CSMD1: variants seen among roughly 807,000 people sequenced by gnomAD.
CSMD1 encodes CUB and sushi domain-containing protein 1.
Under a neutral mutation model 417.5 loss-of-function variants are expected in CSMD1, and 213 were observed. The observed-to-expected ratio is 0.51, with a 90% CI of 0.46 to 0.57. The LOEUF (loss-of-function observed/expected upper bound fraction) is 0.57. Among genes scored for constraint, CSMD1 ranks in the 20% least tolerant of loss-of-function variants. The pLI, the probability that CSMD1 is intolerant of heterozygous loss-of-function variation, is 0.00. For synonymous variants in CSMD1, 2,862 were observed against 1,736.8 expected, an observed-to-expected ratio of 1.65 and a Z score of -16.11; for missense variants, 6,923 against 4,529.7, an observed-to-expected ratio of 1.53 and a Z score of -15.17.
At chr8:3,433,821 G>A (rs184158790) in intron 12 of CSMD1, among the ~76,000 whole-genome samples, 201 of 152,268 alleles carry the variant, frequency 1.3e-3, no homozygotes, top group Middle Eastern at 0.01. Flanking sequence ...TGAAAAACGG[G>A]CTCCCGTGGC....
At chr8:4,469,928 T>C (rs1336468344) in intron 2 of CSMD1, among the ~76,000 whole-genome samples, 6 of 151,476 alleles carry the variant, frequency 4.0e-5, no homozygotes, top group Non-Finnish European at 5.9e-5. Flanking sequence ...AGTGCAGTGG[T>C]GTGATCTCGG....
intron 25 of CSMD1, among the ~76,000 whole-genome samples, chr8:3,299,140 A>G (rs1253665235): frequency 6.6e-6 from 1 of 152,172 alleles, no homozygotes; most frequent in Non-Finnish European, 1.5e-5. Context: ...CAATTCCACT[A>G]GGTAAAGGAA....
intron 6 of CSMD1, among the ~76,000 whole-genome samples, chr8:3,714,647 G>A (rs1291607047): frequency 6.6e-6 from 1 of 151,170 alleles, no homozygotes; most frequent in Non-Finnish European, 1.5e-5. Context: ...TGAGGAACTA[G>A]AATTGCTTGA....
chr8:3,098,336 G>C lies in CSMD1; in HGVS notation c.6950-1299C>G, dbSNP rs374699167. Among the ~76,000 whole-genome samples the C allele has an allele frequency of 9.7e-4, 148 of 152,290 alleles. 1 individual carries two copies. Among genetic ancestry groups the C allele is most frequent in the South Asian group, 8.5e-3 (41 of 4,828 alleles). ...AGATAGAAGCTTTTCAAACAGATGA[G>C]CGAAGCTTATGATATGTGTTTTTAT... On this transcript the variant is annotated intron_variant, in intron 46 of 69. Transcript: ENST00000635120.
intron 3 of CSMD1, among the ~76,000 whole-genome samples, chr8:4,299,512 T>C (rs888331236): frequency 2.5e-4 from 38 of 152,246 alleles, no homozygotes; most frequent in African/African-American, 7.2e-4. Context: ...AGACACCTTG[T>C]AAGTGCTGAG....
intron 3 of CSMD1, among the ~76,000 whole-genome samples, chr8:4,196,534 G>C (rs935725671): frequency 6.6e-6 from 1 of 152,062 alleles, no homozygotes; most frequent in Non-Finnish European, 1.5e-5. Flanking sequence ...TTCCTTGCTG[G>C]CTGTAAACTG....
chr8:4,741,964 G>C lies in CSMD1; in HGVS notation c.86-104406C>G, dbSNP rs564045615. Among the ~76,000 whole-genome samples, 107 of 131,820 alleles carry C rather than the reference G, an allele frequency of 8.1e-4. 2 individuals are homozygous for C. The highest frequency in any genetic ancestry group is 7.0e-3 in the South Asian group (27 of 3,884). The allele number at this position is 131,820 out of a possible 152,430, so 86.5% of individuals were successfully genotyped here. On this transcript the variant is annotated intron_variant, in intron 1 of 69. Transcript: ENST00000635120. Reference sequence around the variant, plus strand: ...TCTTCCCATCTTAGCCTCCAGAGAAGCTGGGACTATAGGTCCGCACGCACC... The same window carrying C: ...TCTTCCCATCTTAGCCTCCAGAGAACCTGGGACTATAGGTCCGCACGCACC...
intron 2 of CSMD1, among the ~76,000 whole-genome samples, chr8:4,542,284 A>T (rs1797425076): frequency 6.6e-6 from 1 of 152,208 alleles, no homozygotes; most frequent in East Asian, 1.9e-4. Flanking sequence ...AACACAGTCA[A>T]CAAAACCCAT....
intron 10 of CSMD1, among the ~76,000 whole-genome samples, chr8:3,515,882 C>T (rs1250780459): frequency 6.6e-6 from 1 of 152,176 alleles, no homozygotes; most frequent in Non-Finnish European, 1.5e-5. Flanking sequence ...CTTCTCATAG[C>T]ATATCTTGAA....
chr8:2,962,145 G>T lies in CSMD1; in HGVS notation c.9628+321C>A, dbSNP rs1475524483. 5.3e-5 allele frequency among the ~76,000 whole-genome samples: 8 copies of T among 152,206 alleles called. No individual in the cohort carries two copies. In the East Asian group the frequency reaches 1.5e-3, roughly 29 times the overall value. The stretch of plus-strand genomic sequence containing the variant: ...TCTCTCTGGGGAGGGCTGCTTTAGA[G>T]AATGTTCCTACCTGCACCTTTCCCC... On this transcript the variant is annotated intron_variant, in intron 61 of 69. Transcript: ENST00000635120.
At chr8:4,084,290 C>G (rs2552150) in intron 3 of CSMD1, among the ~76,000 whole-genome samples, 93 of 149,338 alleles carry the variant, frequency 6.2e-4, no homozygotes, top group African/African-American at 2.2e-3. Context: ...AATCTTTCAA[C>G]TTTTATGAAA....
intron 2 of CSMD1, among the ~76,000 whole-genome samples, chr8:4,615,752 G>A (rs184055596): frequency 1.6e-4 from 24 of 152,150 alleles, no homozygotes; most frequent in Admixed American, 1.6e-3. Context: ...AAAATAAAAT[G>A]GAACTACATT....
At chr8:3,281,585 G>C (rs955604727) in intron 26 of CSMD1, among the ~76,000 whole-genome samples, 2 of 152,248 alleles carry the variant, frequency 1.3e-5, no homozygotes, top group Non-Finnish European at 2.9e-5. Flanking sequence ...AACATGAAAG[G>C]CCACACACTG....
At chr8:3,796,978 G>A (rs144175770) in intron 5 of CSMD1, among the ~76,000 whole-genome samples, 333 of 151,664 alleles carry the variant, frequency 2.2e-3, no homozygotes, top group African/African-American at 7.7e-3. Context: ...ATTCCCCACA[G>A]CTAAAAAGTT....
chr8:3,754,260 A>G (rs80275166), intron 5 of CSMD1, among the ~76,000 whole-genome samples: 3,253 of 152,272 alleles, frequency 0.021, 149 homozygotes, highest in East Asian at 0.14. Context: ...GAATGTTTTC[A>G]AAAATATTTG....
chr8:3,411,697 C>A (rs1384198120), intron 12 of CSMD1, among the ~76,000 whole-genome samples: 2 of 119,658 alleles, frequency 1.7e-5, no homozygotes, highest in South Asian at 2.9e-4. Context: ...TATATACACA[C>A]GTATATATAC....
At chr8:4,821,780 C>A (rs1323002545) in intron 1 of CSMD1, among the ~76,000 whole-genome samples, 1 of 152,044 alleles carries the variant, frequency 6.6e-6, no homozygotes, top group African/African-American at 2.4e-5. Flanking sequence ...ATTGATGTTA[C>A]AACTCTCTAG....
chr8:4,462,895 C>G (rs945860213), intron 2 of CSMD1, among the ~76,000 whole-genome samples: 3 of 152,000 alleles, frequency 2.0e-5, no homozygotes, highest in Admixed American at 1.3e-4. Flanking sequence ...TCTTTGTAAC[C>G]TGATGTTAAG....
chr8:3,852,443 A>G (rs1803979358), intron 5 of CSMD1, among the ~76,000 whole-genome samples: 1 of 152,178 alleles, frequency 6.6e-6, no homozygotes, highest in Non-Finnish European at 1.5e-5. Context: ...GACGTCGGGA[A>G]GAGGGTAGGG....
Sources: allele counts gnomAD v4.1 joint callset (sites outside exome capture counted in the v4.1 genomes callset), GRCh38; gene constraint gnomAD v4.1.1; transcripts MANE v1.5; gene names NCBI Gene and HGNC (gene_info 2026-07-23, HGNC 2026-07-21).